Variants in KCNK1 observed in about 807,000 individuals in gnomAD.
KCNK1 encodes potassium two pore domain channel subfamily K member 1.
A neutral mutation model predicts 22.2 loss-of-function variants in KCNK1; 10 were observed. The ratio of observed to expected loss-of-function variants is 0.45; its 90% CI spans 0.28 to 0.76. The LOEUF is 0.76. Among genes scored for constraint, KCNK1 ranks in the 30% least tolerant of loss-of-function variants. The probability of loss-of-function intolerance (pLI) is 0.14; values close to 1 mark genes in which losing one functional copy is unlikely to be tolerated. For missense variants in KCNK1, 378 were observed against 421.0 expected (o/e 0.90, Z 0.89); for synonymous variants, 200 against 186.4 (o/e 1.07, Z -0.60).
intron 1 of KCNK1, among the ~76,000 whole-genome samples, chr1:233,639,363 A>G (rs976735677): frequency 6.6e-6 from 1 of 152,248 alleles, no homozygotes; most frequent in Non-Finnish European, 1.5e-5. Flanking sequence ...CATTTCAAAT[A>G]GTTGGATAAA....
At chr1:233,637,424 A>G (rs1657918462) in intron 1 of KCNK1, 1 of 152,154 alleles carries the variant, frequency 6.6e-6, no homozygotes, top group South Asian at 2.1e-4. Context: ...TTTCTTCAGT[A>G]AGGTGAGAAG....
At chr1:233,656,706 C>T (rs927792040) in intron 1 of KCNK1, among the ~76,000 whole-genome samples, 2 of 152,200 alleles carry the variant, frequency 1.3e-5, no homozygotes, top group Non-Finnish European at 2.9e-5. Flanking sequence ...GCAGCCTCAA[C>T]CTCCCAGCCT....
intron 1 of KCNK1, among the ~76,000 whole-genome samples, chr1:233,664,612 A>G (rs952988056): frequency 7.2e-5 from 11 of 152,180 alleles, no homozygotes; most frequent in African/African-American, 2.4e-4. Context: ...ATCTCAGAGG[A>G]TTCCTGGGCC....
At position 233,671,511 on chromosome 1, in the gene KCNK1, A is replaced by G. The variant is rs776024027; in HGVS notation, c.992A>G (p.Asp331Gly). The G allele has an allele frequency of 1.9e-6, 3 of 1,614,114 alleles. No homozygotes were observed. The South Asian group carries it at 3.3e-5, about 18-fold the overall frequency. The change falls in exon 3 of 3, where the codon GAT (aspartate) becomes GGT (glycine). Residue 331 changes from aspartate to glycine, a missense_variant. Asp to Gly is a moderately conservative substitution (Grantham distance 94). Transcript: ENST00000366621. ...FVATQSSACV[D>G]GPANH ...GCCACCCAGTCATCTGCCTGCGTGG[A>G]TGGCCCTGCAAACCATTGAGCGTAG...
chr1:233,635,889 G>A (rs1657888426), intron 1 of KCNK1, among the ~76,000 whole-genome samples: 2 of 152,194 alleles, frequency 1.3e-5, no homozygotes, highest in Non-Finnish European at 2.9e-5. Context: ...GTGATATAAG[G>A]TTTGCATTGA....
chr1:233,624,462 G>A (rs1657650780), intron 1 of KCNK1, among the ~76,000 whole-genome samples: 1 of 151,820 alleles, frequency 6.6e-6, no homozygotes. Flanking sequence ...ATCTTCACCT[G>A]GCCTCACCTG....
rs574910724 is a variant in KCNK1, at chr1:233,648,191, T to C, written c.356-18404T>C. On this transcript the variant is annotated intron_variant, in intron 1 of 2. Coordinates refer to ENST00000366621, the MANE Select transcript of KCNK1 (RefSeq NM_002245.4). ...TAAGATATACTTGTAGTACTGTCTC[T>C]ATAAAAGCAGAATTTTAAGGCATAA... is the stretch of plus-strand genomic sequence containing the variant. Among the ~76,000 whole-genome samples the C allele has an allele frequency of 2.0e-5, 3 of 152,358 alleles. No homozygotes were observed. In the South Asian group the frequency reaches 6.2e-4, roughly 32 times the overall value.
intron 1 of KCNK1, among the ~76,000 whole-genome samples, chr1:233,637,894 A>AGAGG (rs1369834553): frequency 6.6e-6 from 1 of 151,940 alleles, no homozygotes; most frequent in African/African-American, 2.4e-5. Context: ...TTGTGGAGGG[A>AGAGG]GAGGGATAGG....
Position 233,627,446 on chromosome 1 carries a change from T to A in KCNK1, c.355+12920T>A, listed in dbSNP as rs1657710226. Among the ~76,000 whole-genome samples the A allele has an allele frequency of 2.6e-5, 4 of 152,208 alleles. No homozygotes were observed. The South Asian group carries it at 6.2e-4, about 24-fold the overall frequency. ...TTAATTAAAGAACCTGGAGAGGCTG[T>A]TCCGCAGCTGCCTAGGTGTCAGACT... On this transcript the variant is annotated intron_variant, in intron 1 of 2. Coordinates refer to ENST00000366621, the MANE Select transcript of KCNK1 (RefSeq NM_002245.4).
At chr1:233,658,699 T>A (rs905036284) in intron 1 of KCNK1, among the ~76,000 whole-genome samples, 1 of 152,234 alleles carries the variant, frequency 6.6e-6, no homozygotes, top group Admixed American at 6.5e-5. Flanking sequence ...TACAAACTTG[T>A]ATATCATGTT....
chr1:233,669,995 T>G (rs1439901840), intron 2 of KCNK1, among the ~76,000 whole-genome samples: 1 of 152,230 alleles, frequency 6.6e-6, no homozygotes, highest in African/African-American at 2.4e-5. Flanking sequence ...ATGCTGCCAA[T>G]TTTAGCTTCC....
chr1:233,620,389 T>C (rs547630286), intron 1 of KCNK1, among the ~76,000 whole-genome samples: 1 of 152,248 alleles, frequency 6.6e-6, no homozygotes, highest in Non-Finnish European at 1.5e-5. Flanking sequence ...CTCAGACTTC[T>C]TTGTGCTGTT....
At chr1:233,634,964 G>A (rs761668000) in intron 1 of KCNK1, among the ~76,000 whole-genome samples, 3 of 152,086 alleles carry the variant, frequency 2.0e-5, no homozygotes, top group Non-Finnish European at 4.4e-5. Context: ...ACCCTCACTC[G>A]TACTCAGGCT....
intron 1 of KCNK1, among the ~76,000 whole-genome samples, chr1:233,635,501 G>A (rs701229): frequency 0.4 from 60,879 of 151,982 alleles, 14,452 homozygotes; most frequent in African/African-American, 0.67. Context: ...AGCCAGTAGG[G>A]CATCACGACT....
At chr1:233,661,249 G>A (rs142444420) in intron 1 of KCNK1, among the ~76,000 whole-genome samples, 1,615 of 152,164 alleles carry the variant, frequency 0.011, 18 homozygotes, top group Middle Eastern at 0.044. Context: ...AAACTTCATT[G>A]CAAAAAGTGC....
chr1:233,639,843 C>G (rs1475950960), intron 1 of KCNK1, among the ~76,000 whole-genome samples: 1 of 152,228 alleles, frequency 6.6e-6, no homozygotes, highest in East Asian at 1.9e-4. Context: ...TTCCTTCTTA[C>G]ACATGAGCCA....
chr1:233,619,858 C>T (rs1657547878), intron 1 of KCNK1, among the ~76,000 whole-genome samples: 1 of 146,770 alleles, frequency 6.8e-6, no homozygotes, highest in Non-Finnish European at 1.5e-5. Context: ...TGCAGTGAGC[C>T]AAGATCACGC....
intron 1 of KCNK1, chr1:233,631,331 A>G (rs1424854069): frequency 3.8e-6 from 2 of 526,812 alleles, no homozygotes; most frequent in Non-Finnish European, 7.8e-6. Context: ...ACTGTTGGGG[A>G]AGAATGGGAA....
intron 1 of KCNK1, among the ~76,000 whole-genome samples, chr1:233,629,253 G>A (rs1450315399): frequency 2.0e-5 from 3 of 152,202 alleles, no homozygotes; most frequent in Non-Finnish European, 4.4e-5. Flanking sequence ...GGGTAATTGG[G>A]TAAGTGGGTA....
Sources: allele counts gnomAD v4.1 joint callset (sites outside exome capture counted in the v4.1 genomes callset), GRCh38; gene constraint gnomAD v4.1.1; transcripts MANE v1.5; gene names NCBI Gene and HGNC (gene_info 2026-07-23, HGNC 2026-07-21).